PACRG: variants seen among roughly 807,000 people sequenced by gnomAD.
PACRG encodes the protein parkin coregulated gene protein.
PACRG carries 29 observed loss-of-function variants against 29.7 expected under a neutral mutation model. The ratio of observed to expected loss-of-function variants is 0.98; its 90% CI spans 0.73 to 1.33. The LOEUF (loss-of-function observed/expected upper bound fraction) is 1.33, where lower values mean the gene tolerates loss of function less well. Among genes scored for constraint, PACRG ranks in the 40% most tolerant of loss-of-function variants. The pLI, the probability that PACRG is intolerant of heterozygous loss-of-function variation, is 0.00. For missense variants in PACRG, 279 were observed against 316.2 expected (o/e 0.88, Z 0.89); for synonymous variants, 116 against 118.7 (o/e 0.98, Z 0.15).
chr6:163,134,887 TA>T (rs1816866369), intron 4 of PACRG, among the ~76,000 whole-genome samples: 1 of 152,158 alleles, frequency 6.6e-6, no homozygotes, highest in Non-Finnish European at 1.5e-5. Flanking sequence ...ACAAGATTCT[TA>T]AGGGGAAAAA....
chr6:163,133,997 A>G (rs1406741943), intron 4 of PACRG, among the ~76,000 whole-genome samples: 1 of 152,248 alleles, frequency 6.6e-6, no homozygotes, highest in Non-Finnish European at 1.5e-5. Flanking sequence ...TGTTCTTGCA[A>G]GAACAGCAGA....
At chr6:163,220,191 TAG>T (rs964703383) in intron 4 of PACRG, among the ~76,000 whole-genome samples, 17 of 150,506 alleles carry the variant, frequency 1.1e-4, no homozygotes, top group African/African-American at 4.2e-4. Context: ...CTGCGACAGA[TAG>T]AGTCAGGACA....
intron 3 of PACRG, among the ~76,000 whole-genome samples, chr6:163,068,964 G>GCTACCATTT (rs1349211044): frequency 6.6e-6 from 1 of 151,768 alleles, no homozygotes. Flanking sequence ...TTTTCCCTTT[G>GCTACCATTT]CTACCATTTC....
At chr6:162,764,449 AATTT>A (rs1318486685) in intron 1 of PACRG, among the ~76,000 whole-genome samples, 1 of 152,192 alleles carries the variant, frequency 6.6e-6, no homozygotes, top group Non-Finnish European at 1.5e-5. Context: ...ATAATGGGCT[AATTT>A]ATTAGAATAA....
intron 2 of PACRG, among the ~76,000 whole-genome samples, chr6:163,008,517 C>T (rs936473228): frequency 6.6e-6 from 1 of 151,362 alleles, no homozygotes; most frequent in African/African-American, 2.4e-5. Flanking sequence ...TTCCTTTCTC[C>T]AATTTGAGAG....
At chr6:163,278,126 A>C (rs1318603472) in intron 4 of PACRG, among the ~76,000 whole-genome samples, 1 of 152,070 alleles carries the variant, frequency 6.6e-6, no homozygotes, top group African/African-American at 2.4e-5. Context: ...TTGGTCATTC[A>C]TATATCTTCA....
intron 4 of PACRG, among the ~76,000 whole-genome samples, chr6:163,116,428 G>T (rs1166244998): frequency 1.3e-5 from 2 of 152,112 alleles, no homozygotes; most frequent in African/African-American, 4.8e-5. Context: ...TGATATTTGG[G>T]CAGGGAAATA....
At chr6:163,174,389 G>A (rs1027785056) in intron 4 of PACRG, among the ~76,000 whole-genome samples, 5 of 152,160 alleles carry the variant, frequency 3.3e-5, no homozygotes, top group Non-Finnish European at 7.3e-5. Context: ...GAGAGAAGTG[G>A]GAACTTCTGA....
chr6:163,186,209 C>T (rs1779922479), intron 4 of PACRG, among the ~76,000 whole-genome samples: 1 of 152,164 alleles, frequency 6.6e-6, no homozygotes. Flanking sequence ...CCCCCTTCCC[C>T]CAAGAATGGA....
intron 4 of PACRG, among the ~76,000 whole-genome samples, chr6:163,183,751 C>G (rs965016965): frequency 3.3e-5 from 5 of 152,160 alleles, no homozygotes; most frequent in Admixed American, 2.6e-4. Flanking sequence ...AAGTCATTTC[C>G]TGTATCTAAA....
intron 2 of PACRG, among the ~76,000 whole-genome samples, chr6:162,825,074 T>A (rs1195180209): frequency 1.3e-5 from 2 of 152,188 alleles, no homozygotes; most frequent in East Asian, 1.9e-4. Flanking sequence ...TCAGTTTTTT[T>A]AATTGCCATA....
upstream of PACRG, chr6:162,727,791 G>C (rs576721855): frequency 4.7e-5 from 51 of 1,082,984 alleles, 1 homozygote; most frequent in South Asian, 6.2e-4. Context: ...CCCCGCGCCC[G>C]GCCCTAGGAA....
At chr6:163,178,341 G>A (rs1779486846) in intron 4 of PACRG, among the ~76,000 whole-genome samples, 1 of 152,202 alleles carries the variant, frequency 6.6e-6, no homozygotes, top group Non-Finnish European at 1.5e-5. Flanking sequence ...TATGGTCAGA[G>A]GGACAAGGGG....
intron 3 of PACRG, among the ~76,000 whole-genome samples, chr6:163,079,664 A>T (rs1163590624): frequency 6.6e-6 from 1 of 152,052 alleles, no homozygotes; most frequent in East Asian, 1.9e-4. Flanking sequence ...TCAGTCCTAG[A>T]ATCACAGCAG....
At chr6:162,768,337 C>T (rs1388204095) in intron 1 of PACRG, among the ~76,000 whole-genome samples, 4 of 151,894 alleles carry the variant, frequency 2.6e-5, no homozygotes, top group Non-Finnish European at 5.9e-5. Flanking sequence ...AATTATTGTT[C>T]TTTTTTTGAT....
rs138495034 is a variant in PACRG, at chr6:163,232,198, A to G, written c.614-82629A>G. Among the ~76,000 whole-genome samples, 452 of 152,248 alleles carry G rather than the reference A, an allele frequency of 3.0e-3. 1 individual carries two copies. Among genetic ancestry groups the G allele is most frequent in the Admixed American group, 5.0e-3 (76 of 15,294 alleles). The stretch of plus-strand genomic sequence containing the variant: ...ACACAGTGATGTTCATTCCAGGAAT[A>G]TTTATGATGAAGAGAACCCAGGAGA... On this transcript the variant is annotated intron_variant, in intron 4 of 4. Coordinates refer to ENST00000366888, the MANE Select transcript of PACRG (RefSeq NM_001080379.2).
intron 4 of PACRG, among the ~76,000 whole-genome samples, chr6:163,195,650 G>A (rs1342699241): frequency 6.6e-6 from 1 of 152,184 alleles, no homozygotes; most frequent in East Asian, 1.9e-4. Context: ...CCTGCGCCTC[G>A]GCGGCTGAGG....
chr6:163,107,996 T>A (rs890694455), intron 4 of PACRG, among the ~76,000 whole-genome samples: 1 of 152,218 alleles, frequency 6.6e-6, no homozygotes, highest in African/African-American at 2.4e-5. Context: ...AATTAATAAC[T>A]GTTAATAGTC....
intron 4 of PACRG, among the ~76,000 whole-genome samples, chr6:163,185,890 C>A (rs950732057): frequency 6.6e-6 from 1 of 152,098 alleles, no homozygotes; most frequent in Non-Finnish European, 1.5e-5. Flanking sequence ...GAGCTGCTTC[C>A]CTGTGTCTCC....
Sources: allele counts gnomAD v4.1 joint callset (sites outside exome capture counted in the v4.1 genomes callset), GRCh38; gene constraint gnomAD v4.1.1; transcripts MANE v1.5; gene names NCBI Gene and HGNC (gene_info 2026-07-23, HGNC 2026-07-21).